The following BCLAF1 variants were observed in gnomAD, a reference collection of about 807,000 sequenced individuals.
BCLAF1 encodes the protein bcl-2-associated transcription factor 1.
In BCLAF1, 10 loss-of-function variants were observed where a neutral mutation model predicts 99.5. The ratio of observed to expected loss-of-function variants is 0.10; its 90% confidence interval spans 0.06 to 0.17. The LOEUF (loss-of-function observed/expected upper bound fraction) is 0.17, where lower values mean the gene tolerates loss of function less well. Ranked by LOEUF, BCLAF1 falls within the 10% of genes least tolerant of loss-of-function variation. The pLI is 1.00. For missense variants in BCLAF1, 636 were observed against 1,105.8 expected (o/e 0.58, Z 6.02); for synonymous variants, 255 against 370.9 (o/e 0.69, Z 3.59).
rs550123246 is a variant in BCLAF1, at chr6:136,266,073, A to T, written c.2544+956T>A. 1.1e-4 allele frequency among the ~76,000 whole-genome samples: 16 copies of T among 152,178 alleles called. 1 individual carries two copies. The East Asian group carries it at 2.5e-3, about 24-fold the overall frequency. ...TTTTTTTTGGTTCTTGGTCATTAAC[A>T]TGCCAAAAAAGAGGCAAATGGAAAT... On this transcript the variant is annotated intron_variant, in intron 11 of 12. Coordinates refer to ENST00000531224, the MANE Select transcript of BCLAF1 (RefSeq NM_014739.3).
chr6:136,279,583 T>C (rs2128485713), intron 3 of BCLAF1, 180 bp downstream of exon 3: 1 of 565,136 alleles, frequency 1.8e-6, no homozygotes, highest in East Asian at 4.2e-5. Flanking sequence ...TGCCATTTAC[T>C]AGAGCTTGTT....
intron 11 of BCLAF1, among the ~76,000 whole-genome samples, chr6:136,264,017 C>T (rs958410523): frequency 6.6e-6 from 1 of 152,150 alleles, no homozygotes; most frequent in African/African-American, 2.4e-5. Context: ...TGCATAAATC[C>T]TGACCCCATT....
Position 136,270,180 on chromosome 6 carries a change from T to C in BCLAF1, c.2044-568A>G, listed in dbSNP as rs1782317545. ...CCATAACATGCACGTAAAATATTAT[T>C]AATGAAACCAATTGGTTGAACAAGG... On this transcript the variant is annotated intron_variant, in intron 8 of 12. Transcript: ENST00000531224. The C allele has an allele frequency of 2.0e-5, 3 of 151,980 alleles. No homozygotes were observed. The South Asian group carries it at 6.2e-4, about 31-fold the overall frequency. The allele number at this position is 151,980 out of a possible 1,614,324, so 9.4% of individuals were successfully genotyped here.
chr6:136,271,819 G>C, intron 8 of BCLAF1, 176 bp downstream of exon 8: 1 of 499,982 alleles, frequency 2.0e-6, no homozygotes, highest in Non-Finnish European at 3.6e-6. Context: ...AAGACACTTA[G>C]TATAGTGTCA....
intron 1 of BCLAF1, among the ~76,000 whole-genome samples, chr6:136,287,049 A>G (rs1000028179): frequency 6.6e-5 from 10 of 152,168 alleles, no homozygotes; most frequent in Non-Finnish European, 1.5e-4. Flanking sequence ...CTGAAGCACA[A>G]GAATCACTTC....
rs1448766304 is a variant in BCLAF1, at chr6:136,259,466, T to G, written c.*1644A>C. 6.6e-6 allele frequency: 1 copy of G among 152,048 alleles called. No individual in the cohort carries two copies. Among genetic ancestry groups the G allele is most frequent in the Non-Finnish European group, 1.5e-5 (1 of 67,894 alleles). The allele number at this position is 152,048 out of a possible 1,614,324, so 9.4% of individuals were successfully genotyped here. A position where few individuals can be genotyped will look rare whatever the true frequency, so the allele number is the denominator to read the frequency against. ...GCTTTCACACGTAAATAAGTATTAT[T>G]CTGAACAGGAGAATATTAGTTATGC... On this transcript the variant is annotated 3_prime_UTR_variant, in exon 13 of 13. Coordinates refer to ENST00000531224, the MANE Select transcript of BCLAF1 (RefSeq NM_014739.3).
chr6:136,284,116 A>ATATG (rs1554220601), intron 1 of BCLAF1, among the ~76,000 whole-genome samples: 5 of 120,060 alleles, frequency 4.2e-5, no homozygotes, highest in African/African-American at 1.7e-4. Context: ...ATACATATAT[A>ATATG]TGTGTGTGTG....
intron 11 of BCLAF1, among the ~76,000 whole-genome samples, chr6:136,265,919 T>C (rs1781646142): frequency 6.6e-6 from 1 of 152,178 alleles, no homozygotes. Context: ...CATAAATTCT[T>C]GAACCAAGTA....
intron 8 of BCLAF1, among the ~76,000 whole-genome samples, chr6:136,270,985 T>C (rs773281183): frequency 6.6e-6 from 1 of 151,408 alleles, no homozygotes; most frequent in Non-Finnish European, 1.5e-5. Context: ...ACAAAAAAAA[T>C]AACAGAACAA....
rs771682540 is a variant in BCLAF1, at chr6:136,278,159, G to C, written c.722C>G (p.Ser241Cys). 6.2e-7 allele frequency: 1 copy of C among 1,611,692 alleles called. No individual in the cohort carries two copies. Among genetic ancestry groups the C allele is most frequent in the Admixed American group, 1.7e-5 (1 of 59,670 alleles). ...PIATPPSQSSSCSDAPMLSTV... is the reference protein window; with the variant it reads ...PIATPPSQSSCCSDAPMLSTV... ...ACTGAGCATGGGAGCATCAGAGCAA[G>C]ATGAACTCTGACTAGGTGGTGTAGC... Residue 241 changes from serine to cysteine, a missense_variant, in exon 4 of 13, where the codon TCT becomes TGT. This residue lies in a region of BCLAF1 where 65 missense variants were observed against 90.9 expected (regional missense o/e 0.71). Transcript: ENST00000531224.
chr6:136,274,512 G>A (rs368410243), intron 6 of BCLAF1, among the ~76,000 whole-genome samples: 5 of 151,872 alleles, frequency 3.3e-5, no homozygotes, highest in African/African-American at 1.2e-4. Flanking sequence ...TCTTGTTACC[G>A]TGTTTAAATA....
In BCLAF1 at chr6:136,256,946, A is replaced by G. The variant is rs950411973; in HGVS notation, c.*4164T>C. On this transcript the variant is annotated 3_prime_UTR_variant, in exon 13 of 13. Transcript: ENST00000531224. The stretch of plus-strand genomic sequence containing the variant: ...CACTATGACAGTACCAAGCAAACAC[A>G]GTTCAAGCTGTGATTATAAATCATT... 3 of 152,220 alleles carry G rather than the reference A, an allele frequency of 2.0e-5. No individual in the cohort carries two copies. Among genetic ancestry groups the G allele is most frequent in the South Asian group, 2.1e-4 (1 of 4,834 alleles). The allele number at this position is 152,220 out of a possible 1,614,324, so 9.4% of individuals were successfully genotyped here.
At position 136,278,788 on chromosome 6, in the gene BCLAF1, A is replaced by G; in HGVS notation, c.105-12T>C. ...AACGAGACCTAGAACTAAAAATGAA[A>G]TAAATATCAATGCAAGAAAAATAAA... is the stretch of plus-strand genomic sequence containing the variant. On this transcript the variant is annotated splice_polypyrimidine_tract_variant and intron_variant, in intron 3 of 12. Transcript: ENST00000531224. 1 of 1,489,882 alleles carries G rather than the reference A, an allele frequency of 6.7e-7. No homozygotes were observed. Among genetic ancestry groups the G allele is most frequent in the South Asian group, 1.4e-5 (1 of 70,078 alleles). The allele number at this position is 1,489,882 out of a possible 1,614,324, so 92.3% of individuals were successfully genotyped here. A position where few individuals can be genotyped will look rare whatever the true frequency, so the allele number is the denominator to read the frequency against.
chr6:136,260,065 T>C lies in BCLAF1; in HGVS notation c.*1045A>G, dbSNP rs752727860. The C allele has an allele frequency of 5.3e-5, 8 of 152,068 alleles. No individual in the cohort carries two copies. Among genetic ancestry groups the C allele is most frequent in the African/African-American group, 1.9e-4 (8 of 41,436 alleles). The allele number at this position is 152,068 out of a possible 1,614,324, so 9.4% of individuals were successfully genotyped here. A position where few individuals can be genotyped will look rare whatever the true frequency, so the allele number is the denominator to read the frequency against. On this transcript the variant is annotated 3_prime_UTR_variant, in exon 13 of 13. Transcript: ENST00000531224. Reference sequence around the variant, plus strand: ...AACAAGCTTCCTGCCAAAACTTTTATTGGTGACATTTGAAAAACAATTTTT... The same window carrying C: ...AACAAGCTTCCTGCCAAAACTTTTACTGGTGACATTTGAAAAACAATTTTT...
Position 136,261,081 on chromosome 6 carries a change from T to C in BCLAF1, c.*29A>G. ...TAAAAAAAATGGTGGGTGCAAGTTC[T>C]GCTCTGTTGTAATCTTACTTCATAT... On this transcript the variant is annotated 3_prime_UTR_variant, in exon 13 of 13. Transcript: ENST00000531224. The C allele has an allele frequency of 6.4e-7, 1 of 1,555,244 alleles. No homozygotes were observed. Among genetic ancestry groups the C allele is most frequent in the Non-Finnish European group, 8.7e-7 (1 of 1,151,816 alleles).
chr6:136,271,901 T>C, intron 8 of BCLAF1, 94 bp downstream of exon 8: 1 of 827,124 alleles, frequency 1.2e-6, no homozygotes, highest in Non-Finnish European at 2.0e-6. Flanking sequence ...GTAGAAGATA[T>C]CTATAGACAT....
At chr6:136,280,121 T>C (rs1170101233) in intron 2 of BCLAF1, among the ~76,000 whole-genome samples, 3 of 152,176 alleles carry the variant, frequency 2.0e-5, no homozygotes, top group Non-Finnish European at 4.4e-5. Flanking sequence ...GCCCCACTTA[T>C]GAGCCTCAAT....
chr6:136,258,444 T>G lies in BCLAF1; in HGVS notation c.*2666A>C, dbSNP rs1032294519. The G allele has an allele frequency of 4.0e-5, 6 of 151,572 alleles. No homozygotes were observed. The highest frequency in any genetic ancestry group is 2.0e-4 in the Admixed American group (3 of 15,194). 9.4% of individuals were successfully genotyped at this position (151,572 alleles called of 1,614,324 possible). On this transcript the variant is annotated 3_prime_UTR_variant, in exon 13 of 13. Transcript: ENST00000531224. Reference sequence around the variant, plus strand: ...AAAACAAGACAAAACAAAAAAACAGTAAAGAAAGGTTTGAGGGAGTTTATA... The same window carrying G: ...AAAACAAGACAAAACAAAAAAACAGGAAAGAAAGGTTTGAGGGAGTTTATA...
At chr6:136,280,913 C>T (rs1224993066) in intron 2 of BCLAF1, among the ~76,000 whole-genome samples, 1 of 152,170 alleles carries the variant, frequency 6.6e-6, no homozygotes, top group Non-Finnish European at 1.5e-5. Context: ...AATCAACTTA[C>T]TAAACTTCTA....
Sources: allele counts gnomAD v4.1 joint callset (sites outside exome capture counted in the v4.1 genomes callset), GRCh38; gene constraint gnomAD v4.1.1; regional missense constraint gnomAD v4.1.1; transcripts MANE v1.5; gene names NCBI Gene and HGNC (gene_info 2026-07-23, HGNC 2026-07-21).